The following PSD3 variants were observed in gnomAD, a reference collection of about 807,000 sequenced individuals.
The protein encoded by PSD3 is PH and SEC7 domain-containing protein 3.
PSD3 carries 49 observed loss-of-function variants against 105.5 expected under a neutral mutation model. That is an observed-to-expected ratio of 0.46 (90% CI 0.37 to 0.59). The LOEUF (loss-of-function observed/expected upper bound fraction) is 0.59. Among genes scored for constraint, PSD3 ranks in the 20% least tolerant of loss-of-function variants. PSD3 has a pLI of 0.00. For synonymous variants in PSD3, 557 were observed against 457.8 expected, an observed-to-expected ratio of 1.22 and a Z score of -2.77; for missense variants, 1,561 against 1,263.8, an observed-to-expected ratio of 1.24 and a Z score of -3.57.
intron 3 of PSD3, 91 bp downstream of exon 3, chr8:18,871,535 T>G: frequency 6.9e-7 from 1 of 1,447,226 alleles, no homozygotes; most frequent in Non-Finnish European, 9.3e-7. Flanking sequence ...CCCAAGGTAT[T>G]GTGATTGAGT....
chr8:18,948,467 A>T (rs1823000690), intron 1 of PSD3, among the ~76,000 whole-genome samples: 1 of 152,210 alleles, frequency 6.6e-6, no homozygotes. Context: ...GACTGAATAA[A>T]TAACATTCAT....
At chr8:18,762,910 A>C in intron 9 of PSD3, 2 of 1,268,028 alleles carry the variant, frequency 1.6e-6, no homozygotes, top group Non-Finnish European at 1.0e-6. Flanking sequence ...TTTTATTTCA[A>C]CATGGAATAA....
At chr8:18,777,936 A>G (rs1415924294) in intron 8 of PSD3, among the ~76,000 whole-genome samples, 1 of 152,190 alleles carries the variant, frequency 6.6e-6, no homozygotes, top group Admixed American at 6.5e-5. Context: ...ACTCAATATA[A>G]TGAAATGTAA....
intron 9 of PSD3, among the ~76,000 whole-genome samples, chr8:18,700,181 A>G (rs941046677): frequency 2.0e-5 from 3 of 152,214 alleles, no homozygotes; most frequent in Admixed American, 6.5e-5. Context: ...AAGATAATAT[A>G]CAATATAAAA....
intron 11 of PSD3, among the ~76,000 whole-genome samples, chr8:18,620,940 T>G (rs1361651357): frequency 2.6e-5 from 4 of 152,208 alleles, no homozygotes. Context: ...AAATGTTAAT[T>G]AAACCGAAAT....
At chr8:18,669,900 C>T (rs1304428379) in intron 9 of PSD3, among the ~76,000 whole-genome samples, 1 of 152,048 alleles carries the variant, frequency 6.6e-6, no homozygotes, top group East Asian at 1.9e-4. Flanking sequence ...CCCTTAAAAC[C>T]ATTCATTTAT....
At chr8:18,924,692 T>C (rs981637504) in intron 2 of PSD3, 1 of 152,242 alleles carries the variant, frequency 6.6e-6, no homozygotes, top group African/African-American at 2.4e-5. Context: ...TACTTTTTTC[T>C]TGTCTTGCTC....
At chr8:18,765,398 C>T (rs761763281) in intron 9 of PSD3, 51 bp downstream of exon 9, 1 of 1,475,310 alleles carries the variant, frequency 6.8e-7, no homozygotes, top group East Asian at 2.3e-5. Flanking sequence ...AAGCTGTAAG[C>T]AGCAAACAGA....
chr8:19,004,036 T>C (rs952534588), intron 1 of PSD3, among the ~76,000 whole-genome samples: 8 of 152,022 alleles, frequency 5.3e-5, no homozygotes, highest in African/African-American at 1.9e-4. Context: ...CAGGCAGCCC[T>C]AGAAATCTGA....
chr8:18,647,652 G>C (rs1808146380), intron 10 of PSD3, among the ~76,000 whole-genome samples: 1 of 133,162 alleles, frequency 7.5e-6, no homozygotes, highest in African/African-American at 2.8e-5. Flanking sequence ...GCCAATACAT[G>C]ATTTTTTTTT....
intron 9 of PSD3, among the ~76,000 whole-genome samples, chr8:18,678,730 C>G (rs1325661722): frequency 1.3e-5 from 2 of 151,800 alleles, no homozygotes; most frequent in Non-Finnish European, 2.9e-5. Flanking sequence ...GGGAATCGCT[C>G]GAATCTGGGA....
intron 10 of PSD3, among the ~76,000 whole-genome samples, chr8:18,644,988 TCTC>T (rs1005775301): frequency 1.3e-4 from 20 of 152,288 alleles, no homozygotes; most frequent in African/African-American, 4.1e-4. Context: ...TTGCTGCCCT[TCTC>T]CTAGTAAGGC....
intron 4 of PSD3, among the ~76,000 whole-genome samples, chr8:18,820,566 T>C (rs1426275201): frequency 2.0e-5 from 3 of 152,226 alleles, no homozygotes; most frequent in Admixed American, 6.5e-5. Context: ...GTAAATGCTA[T>C]GTTAATAGTT....
chr8:18,613,865 C>T (rs113766225), intron 11 of PSD3, among the ~76,000 whole-genome samples: 8 of 152,160 alleles, frequency 5.3e-5, no homozygotes, highest in African/African-American at 1.2e-4. Context: ...ATTTCACCAG[C>T]GCTGCAACTC....
At position 18,867,671 on chromosome 8, in the gene PSD3, T is replaced by C. The variant is rs1286682870; in HGVS notation, c.1634+3A>G. 6.2e-7 allele frequency: 1 copy of C among 1,604,648 alleles called. No individual in the cohort carries two copies. The highest frequency in any genetic ancestry group is 8.5e-7 in the Non-Finnish European group (1 of 1,174,414). Reference sequence around the variant, plus strand: ...ATGAAATGAATGAGAATGGGACGAGTACCTTCCCCAGAAAGCAATCTCCGG... The same window carrying C: ...ATGAAATGAATGAGAATGGGACGAGCACCTTCCCCAGAAAGCAATCTCCGG... On this transcript the variant is annotated splice_donor_region_variant and intron_variant, in intron 4 of 15. Coordinates refer to ENST00000327040, the MANE Select transcript of PSD3 (RefSeq NM_015310.4).
rs73666765 is a variant in PSD3 at position 18,962,540 on chromosome 8, G to C, written c.22-26398C>G. 8.0e-3 allele frequency among the ~76,000 whole-genome samples: 1,213 copies of C among 152,278 alleles called. 11 individuals carry two copies. Among genetic ancestry groups the C allele is most frequent in the African/African-American group, 0.028 (1,158 of 41,550 alleles). Reference sequence around the variant, plus strand: ...AAACTATATTGCTAATGCAGCTCCAGTGAAATGCCTTTTTTTACAAAGTAA... The same window carrying C: ...AAACTATATTGCTAATGCAGCTCCACTGAAATGCCTTTTTTTACAAAGTAA... On this transcript the variant is annotated intron_variant, in intron 1 of 15. Coordinates refer to ENST00000327040, the MANE Select transcript of PSD3 (RefSeq NM_015310.4).
At chr8:18,983,384 G>A (rs1421725505) in intron 1 of PSD3, among the ~76,000 whole-genome samples, 2 of 152,146 alleles carry the variant, frequency 1.3e-5, no homozygotes, top group African/African-American at 4.8e-5. Flanking sequence ...TTTCCTTCCA[G>A]AACTTTTCTT....
chr8:18,738,349 T>C (rs1009678208), intron 9 of PSD3, among the ~76,000 whole-genome samples: 5 of 151,370 alleles, frequency 3.3e-5, no homozygotes, highest in East Asian at 3.9e-4. Flanking sequence ...CCTTTTCTCA[T>C]TTATAAAATG....
chr8:18,753,764 A>G (rs1210601252), intron 9 of PSD3, among the ~76,000 whole-genome samples: 3 of 152,108 alleles, frequency 2.0e-5, no homozygotes, highest in East Asian at 3.9e-4. Context: ...TTTCCAATCT[A>G]TTTCACACTC....
Sources: gnomAD v4.1 joint callset for allele counts (sites outside exome capture counted in the v4.1 genomes callset) on GRCh38, gnomAD v4.1.1 for gene constraint, MANE v1.5 for transcripts, NCBI Gene and HGNC (gene_info 2026-07-23, HGNC 2026-07-21) for gene names.